The following TMEM143 variants were observed in gnomAD, a reference collection of about 807,000 sequenced individuals.
TMEM143 encodes the protein transmembrane protein 143.
TMEM143 carries 45 observed loss-of-function variants against 40.3 expected under a neutral mutation model. That is an observed-to-expected ratio of 1.12 (90% CI 0.88 to 1.43). The LOEUF is 1.43. Among genes scored for constraint, TMEM143 ranks in the 40% most tolerant of loss-of-function variants. The pLI is 0.00. For missense variants in TMEM143, 620 were observed against 613.4 expected (o/e 1.01, Z -0.11); for synonymous variants, 299 against 282.7 (o/e 1.06, Z -0.58).
At chr19:48,357,698 T>C (rs992989179) in intron 3 of TMEM143, among the ~76,000 whole-genome samples, 1 of 151,516 alleles carries the variant, frequency 6.6e-6, no homozygotes, top group African/African-American at 2.4e-5. Flanking sequence ...GGCAGCTCAA[T>C]GGATAAAGAA....
intron 6 of TMEM143, among the ~76,000 whole-genome samples, chr19:48,341,948 C>G (rs905826155): frequency 1.3e-5 from 2 of 151,838 alleles, no homozygotes; most frequent in Non-Finnish European, 1.5e-5. Flanking sequence ...ATCTCGCTAT[C>G]ATCCCCATTT....
chr19:48,334,095 G>T lies in TMEM143; in HGVS notation c.1078C>A (p.Arg360Ser). The T allele has an allele frequency of 6.3e-7, 1 of 1,593,444 alleles. No homozygotes were observed. The highest frequency in any genetic ancestry group is 2.3e-5 in the East Asian group (1 of 43,830). Residue 360 changes from arginine to serine, a missense_variant, in exon 7 of 8, where the codon CGC (arginine) becomes AGC (serine). Coordinates refer to ENST00000293261, the MANE Select transcript of TMEM143 (RefSeq NM_018273.4). ...TCCTTGGTGTGCTCGTCCTGCGCGC[G>T]CAGGGCCAGGGCGCTGAGCAGCTCC... ...NSELLSALAL[R>S]AQDEHTKEAL...
At chr19:48,334,311 C>T in intron 6 of TMEM143, 114 bp from the exon 7 acceptor site, 1 of 1,158,410 alleles carries the variant, frequency 8.6e-7, no homozygotes, top group South Asian at 1.5e-5. Flanking sequence ...CCTGAGGAGG[C>T]GGGGAGGTCC....
intron 3 of TMEM143, among the ~76,000 whole-genome samples, chr19:48,358,966 C>T (rs1335406667): frequency 6.6e-6 from 1 of 152,138 alleles, no homozygotes; most frequent in African/African-American, 2.4e-5. Context: ...GTCAGGAATT[C>T]AAGACCACCC....
intron 3 of TMEM143, among the ~76,000 whole-genome samples, chr19:48,355,637 C>G (rs777664820): frequency 6.6e-6 from 1 of 152,132 alleles, no homozygotes. Flanking sequence ...AAGCAAAGTG[C>G]GGAGCTGCAG....
At chr19:48,354,221 A>T (rs945367171) in intron 3 of TMEM143, among the ~76,000 whole-genome samples, 12 of 147,236 alleles carry the variant, frequency 8.2e-5, no homozygotes, top group African/African-American at 3.0e-4. Context: ...GGCCTCCCAA[A>T]GTGCTGGGAT....
chr19:48,342,535 A>C lies in TMEM143; in HGVS notation c.970T>G (p.Ser324Ala), dbSNP rs372725525. The change falls in exon 6 of 8, where the codon TCC becomes GCC. Residue 324 changes from serine to alanine, a missense_variant. By Grantham distance (99) the Ser-to-Ala change is moderately conservative (BLOSUM62 1). Coordinates refer to ENST00000293261, the MANE Select transcript of TMEM143 (RefSeq NM_018273.4). ...CGTGGCAGGCGCATGCTCACCTTGG[A>C]GGCCCGCAGGCCCATGAAGATGGCG... ...LFAIFMGLRA[S>A]KMFGQRRSAQ... 1.2e-6 allele frequency: 2 copies of C among 1,605,642 alleles called. No homozygotes were observed. The highest frequency in any genetic ancestry group is 1.7e-6 in the Non-Finnish European group (2 of 1,177,396).
At chr19:48,362,347 C>T (rs1052153846) in intron 2 of TMEM143, among the ~76,000 whole-genome samples, 2 of 152,008 alleles carry the variant, frequency 1.3e-5, no homozygotes, top group African/African-American at 2.4e-5. Flanking sequence ...CGAGACCAGC[C>T]TGGCCAACAT....
intron 3 of TMEM143, among the ~76,000 whole-genome samples, chr19:48,347,889 T>C (rs1248562597): frequency 6.8e-6 from 1 of 147,592 alleles, no homozygotes; most frequent in Non-Finnish European, 1.5e-5. Context: ...GGCACAATAG[T>C]GCATGCCTGT....
At position 48,352,018 on chromosome 19, in the gene TMEM143, C is replaced by A. The variant is rs961921513; in HGVS notation, c.370-6664G>T. The stretch of plus-strand genomic sequence containing the variant: ...ATCCCAGCATTTTGAGAGGCCGAGG[C>A]GGGCGGATCACGAGTTCAGGAGATC... On this transcript the variant is annotated intron_variant, in intron 3 of 7. Coordinates refer to ENST00000293261, the MANE Select transcript of TMEM143 (RefSeq NM_018273.4). Among the ~76,000 whole-genome samples the A allele has an allele frequency of 2.0e-5, 3 of 151,672 alleles. No homozygotes were observed. In the South Asian group the frequency reaches 6.3e-4, roughly 32 times the overall value.
At chr19:48,350,695 G>A (rs999090709) in intron 3 of TMEM143, among the ~76,000 whole-genome samples, 3 of 152,004 alleles carry the variant, frequency 2.0e-5, no homozygotes, top group Non-Finnish European at 4.4e-5. Flanking sequence ...GCTGAGGCAG[G>A]CGGATCATTT....
intron 6 of TMEM143, among the ~76,000 whole-genome samples, chr19:48,338,532 C>A (rs1969421362): frequency 6.6e-6 from 1 of 152,258 alleles, no homozygotes; most frequent in Admixed American, 6.5e-5. Context: ...GCCAAACCAC[C>A]CCTGGTGTGT....
At chr19:48,342,170 AAGGGG>A (rs1164231712) in intron 6 of TMEM143, among the ~76,000 whole-genome samples, 1 of 42,074 alleles carries the variant, frequency 2.4e-5, no homozygotes, top group African/African-American at 9.7e-5. Context: ...GAGGGAGGGG[AAGGGG>A]AGGGGAGGGG....
intron 6 of TMEM143, among the ~76,000 whole-genome samples, chr19:48,334,611 T>A (rs2147353358): frequency 7.3e-6 from 1 of 137,354 alleles, no homozygotes; most frequent in East Asian, 2.3e-4. Flanking sequence ...CGACAGGGTC[T>A]CGCCCTGTAG....
At chr19:48,361,621 C>T (rs1038484754) in intron 2 of TMEM143, among the ~76,000 whole-genome samples, 1 of 150,572 alleles carries the variant, frequency 6.6e-6, no homozygotes, top group Admixed American at 6.7e-5. Flanking sequence ...AGCTCCGCTT[C>T]CCGGGTTCAC....
chr19:48,342,531 T>G lies in TMEM143; in HGVS notation c.974A>C (p.Lys325Thr). 1 of 1,604,546 alleles carries G rather than the reference T, an allele frequency of 6.2e-7. No homozygotes were observed. Reference protein sequence around the residue: ...FAIFMGLRASKMFGQRRSAQA... With the variant: ...FAIFMGLRASTMFGQRRSAQA... ...GAGGCGTGGCAGGCGCATGCTCACCTTGGAGGCCCGCAGGCCCATGAAGAT... is the reference window on the plus strand; with the variant it reads ...GAGGCGTGGCAGGCGCATGCTCACCGTGGAGGCCCGCAGGCCCATGAAGAT... The change falls in exon 6 of 8, where the codon AAG (lysine) becomes ACG (threonine). Residue 325 changes from lysine (K) to threonine (T), a missense_variant and splice_region_variant. Lys to Thr is a moderately conservative substitution (Grantham distance 78). Transcript: ENST00000293261.
At chr19:48,359,913 A>G in intron 3 of TMEM143, 159 bp downstream of exon 3, 2 of 638,990 alleles carry the variant, frequency 3.1e-6, no homozygotes, top group Admixed American at 3.1e-5. Flanking sequence ...CCCACTTGGA[A>G]TGTTGGCTCC....
intron 3 of TMEM143, among the ~76,000 whole-genome samples, chr19:48,348,300 G>A (rs959618474): frequency 6.6e-6 from 1 of 152,088 alleles, no homozygotes; most frequent in African/African-American, 2.4e-5. Flanking sequence ...GACATTGCAC[G>A]TGATCCCTGT....
chr19:48,342,931 A>C, intron 5 of TMEM143, 122 bp from the exon 6 acceptor site: 1 of 1,218,496 alleles, frequency 8.2e-7, no homozygotes, highest in South Asian at 1.6e-5. Context: ...GCGACTCAGT[A>C]ATCATGGGGA....
Sources: gnomAD v4.1 joint callset for allele counts (sites outside exome capture counted in the v4.1 genomes callset) on GRCh38, gnomAD v4.1.1 for gene constraint, MANE v1.5 for transcripts, NCBI Gene and HGNC (gene_info 2026-07-23, HGNC 2026-07-21) for gene names.